SLC22A25: variants seen among roughly 807,000 people sequenced by gnomAD.
SLC22A25 encodes MGI:2442751, MGI:2385316, MGI:3042283, MGI:3645714, MGI:3605624, MGI:2442750.
SLC22A25 carries 44 observed loss-of-function variants against 45.9 expected under a neutral mutation model. That is an observed-to-expected ratio of 0.96 (90% confidence interval 0.75 to 1.23). SLC22A25 has a LOEUF of 1.23. SLC22A25 is among the 50% of genes most tolerant of loss of function. The pLI, the probability that SLC22A25 is intolerant of heterozygous loss-of-function variation, is 0.00. For missense variants in SLC22A25, 800 were observed against 666.4 expected, an observed-to-expected ratio of 1.20 and a Z score of -2.21; for synonymous variants, 283 against 238.6, an observed-to-expected ratio of 1.19 and a Z score of -1.72.
chr11:63,211,280 T>C (rs2089552506), intron 7 of SLC22A25, among the ~76,000 whole-genome samples: 1 of 152,090 alleles, frequency 6.6e-6, no homozygotes, highest in Non-Finnish European at 1.5e-5. Flanking sequence ...TATAGTGAAA[T>C]GCAAGTCCTC....
intron 1 of SLC22A25, among the ~76,000 whole-genome samples, chr11:63,241,879 G>C (rs970147316): frequency 2.0e-5 from 3 of 152,156 alleles, no homozygotes; most frequent in Admixed American, 1.3e-4. Context: ...GTTAAGTACT[G>C]ACAATAAACT....
intron 7 of SLC22A25, among the ~76,000 whole-genome samples, chr11:63,196,390 CA>C (rs2089032046): frequency 6.6e-6 from 1 of 152,118 alleles, no homozygotes; most frequent in Non-Finnish European, 1.5e-5. Flanking sequence ...AGCAGCACAT[CA>C]AAAACCTTAT....
intron 7 of SLC22A25, among the ~76,000 whole-genome samples, chr11:63,191,437 C>T (rs577365209): frequency 1.1e-4 from 16 of 152,190 alleles, no homozygotes; most frequent in African/African-American, 2.9e-4. Flanking sequence ...TTCTGGGTGC[C>T]CTCTGTCACC....
intron 7 of SLC22A25, among the ~76,000 whole-genome samples, chr11:63,197,293 G>C (rs1345446566): frequency 4.6e-5 from 7 of 152,116 alleles, no homozygotes; most frequent in Non-Finnish European, 8.8e-5. Flanking sequence ...AGCCCACATT[G>C]CCAAGACAAT....
At chr11:63,229,145 A>T in intron 4 of SLC22A25, 106 bp downstream of exon 4, 1 of 1,179,994 alleles carries the variant, frequency 8.5e-7, no homozygotes. Context: ...TGAAAGAATG[A>T]AGAATAAGCA....
At chr11:63,217,522 G>A in intron 6 of SLC22A25, 40 bp from the exon 7 acceptor site, 1 of 1,610,962 alleles carries the variant, frequency 6.2e-7, no homozygotes. Context: ...TTAAATACAG[G>A]TGGAGCTTCA....
In SLC22A25 at chr11:63,230,530, G is replaced by A. The variant is rs77185879; in HGVS notation, c.-444-434C>T. Among the ~76,000 whole-genome samples the A allele has an allele frequency of 1.6e-3, 248 of 152,262 alleles. 2 individuals carry two copies. Among genetic ancestry groups the A allele is most frequent in the African/African-American group, 5.8e-3 (241 of 41,550 alleles). On this transcript the variant is annotated intron_variant, in intron 3 of 11. Coordinates refer to ENST00000306494, the MANE Select transcript of SLC22A25 (RefSeq NM_199352.6). ...GTGAGACGCACAATGTGCTATGGAAGAATTGCAGACAAAATATAGGAGAAA... is the reference window on the plus strand; with the variant it reads ...GTGAGACGCACAATGTGCTATGGAAAAATTGCAGACAAAATATAGGAGAAA...
intron 7 of SLC22A25, among the ~76,000 whole-genome samples, chr11:63,195,556 C>A (rs375127748): frequency 6.6e-6 from 1 of 152,026 alleles, no homozygotes; most frequent in Non-Finnish European, 1.5e-5. Flanking sequence ...TTGAAGCCAA[C>A]GAGAACAAAG....
At chr11:63,173,631 C>T (rs1590788356) in intron 9 of SLC22A25, among the ~76,000 whole-genome samples, 1 of 152,098 alleles carries the variant, frequency 6.6e-6, no homozygotes, top group Non-Finnish European at 1.5e-5. Context: ...TGTGACTTTC[C>T]CAGTGCTTCT....
At chr11:63,206,492 A>G (rs2089407537) in intron 7 of SLC22A25, among the ~76,000 whole-genome samples, 1 of 152,230 alleles carries the variant, frequency 6.6e-6, no homozygotes, top group South Asian at 2.1e-4. Context: ...TACACAAATA[A>G]TAGAAAAACA....
At position 63,228,546 on chromosome 11, in the gene SLC22A25, A is replaced by G; in HGVS notation, c.421T>C (p.Ser141Pro). ...IVTKWDLVCE[S>P]QPLNSVAKFL... is the part of the protein sequence containing the mutation. Reference sequence around the variant, plus strand: ...TTAGCTACTGAATTCAGTGGTTGAGATTCGCATACCAGATCCCACTGGAAG... The same window carrying G: ...TTAGCTACTGAATTCAGTGGTTGAGGTTCGCATACCAGATCCCACTGGAAG... The change falls in exon 5 of 12, where the codon TCT becomes CCT. Residue 141 changes from serine to proline, a missense_variant. Physicochemically the swap from Ser to Pro is moderately conservative, Grantham distance 74. Transcript: ENST00000306494. 1.9e-6 allele frequency: 3 copies of G among 1,613,652 alleles called. No homozygotes were observed. Among genetic ancestry groups the G allele is most frequent in the Non-Finnish European group, 1.7e-6 (2 of 1,179,800 alleles).
chr11:63,158,709 A>T lies in SLC22A25; in HGVS notation c.*5115T>A, dbSNP rs927227010. Among the ~76,000 whole-genome samples, 1 of 152,246 alleles carries T rather than the reference A, an allele frequency of 6.6e-6. No homozygotes were observed. The highest frequency in any genetic ancestry group is 2.4e-5 in the African/African-American group (1 of 41,468). On this transcript the variant is annotated 3_prime_UTR_variant, in exon 12 of 12. Coordinates refer to ENST00000306494, the MANE Select transcript of SLC22A25 (RefSeq NM_199352.6). ...GATATTAATAATCACATTATGCAGC[A>T]TGGGGTATCTGTCCCTCAAGCGTTT...
intron 7 of SLC22A25, among the ~76,000 whole-genome samples, chr11:63,213,342 C>A (rs1361501270): frequency 6.6e-6 from 1 of 152,166 alleles, no homozygotes; most frequent in East Asian, 1.9e-4. Flanking sequence ...AAAAGCCCTT[C>A]TTTTTGTATG....
At chr11:63,197,289 C>A (rs1313539577) in intron 7 of SLC22A25, among the ~76,000 whole-genome samples, 4 of 152,166 alleles carry the variant, frequency 2.6e-5, no homozygotes, top group African/African-American at 9.7e-5. Context: ...AAAGAGCCCA[C>A]ATTGCCAAGA....
chr11:63,184,138 G>A (rs542660184), intron 7 of SLC22A25, among the ~76,000 whole-genome samples: 12 of 152,210 alleles, frequency 7.9e-5, no homozygotes, highest in African/African-American at 2.9e-4. Flanking sequence ...CCTAGTAAGG[G>A]CATAACAAAT....
chr11:63,165,965 TC>T, intron 10 of SLC22A25, 78 bp downstream of exon 10: 1 of 1,503,936 alleles, frequency 6.6e-7, no homozygotes. Context: ...CCTTCTGGCT[TC>T]AGATAGGTGT....
rs966883484 is a variant in SLC22A25, at chr11:63,238,703, T to C, written c.-577+14A>G. ...CTGTAGTTGTGTATGTAGGAGGAAA[T>C]TGGGGCCTCTTACCCAGTCACGATG... On this transcript the variant is annotated intron_variant, in intron 2 of 11. Coordinates refer to ENST00000306494, the MANE Select transcript of SLC22A25 (RefSeq NM_199352.6). 4.8e-5 allele frequency: 9 copies of C among 188,032 alleles called. No individual in the cohort carries two copies. Among genetic ancestry groups the C allele is most frequent in the East Asian group, 1.3e-4 (1 of 7,864 alleles). The allele number at this position is 188,032 out of a possible 1,614,324, so 11.6% of individuals were successfully genotyped here.
At chr11:63,231,401 G>A (rs1196712671) in intron 3 of SLC22A25, among the ~76,000 whole-genome samples, 4 of 152,244 alleles carry the variant, frequency 2.6e-5, no homozygotes, top group African/African-American at 9.6e-5. Context: ...CTGATGGCCA[G>A]TGGTGATGAG....
rs1005466093 is a variant in SLC22A25, at chr11:63,200,740, T to G, written c.830+16574A>C. 2.6e-5 allele frequency among the ~76,000 whole-genome samples: 4 copies of G among 152,136 alleles called. No homozygotes were observed. In the East Asian group the frequency reaches 7.7e-4, roughly 29 times the overall value. Reference sequence around the variant, plus strand: ...ACTATCCCTGTTCATAGATGACAGGTCTTATATCAAGAAAACCCCATAGTC... The same window carrying G: ...ACTATCCCTGTTCATAGATGACAGGGCTTATATCAAGAAAACCCCATAGTC... On this transcript the variant is annotated intron_variant, in intron 7 of 11. Transcript: ENST00000306494.
Sources: allele counts gnomAD v4.1 joint callset (sites outside exome capture counted in the v4.1 genomes callset), GRCh38; gene constraint gnomAD v4.1.1; transcripts MANE v1.5; gene names NCBI Gene and HGNC (gene_info 2026-07-23, HGNC 2026-07-21).